Variants in DCBLD2 observed in about 807,000 individuals in gnomAD.
DCBLD2 encodes discoidin, CUB and LCCL domain containing 2.
Under a neutral mutation model 86.8 loss-of-function variants are expected in DCBLD2, and 54 were observed. The ratio of observed to expected loss-of-function variants is 0.62; its 90% CI spans 0.50 to 0.78. The LOEUF is 0.78. DCBLD2 is among the 30% of genes least tolerant of loss of function. The probability of loss-of-function intolerance (pLI) is 0.00; values close to 1 mark genes in which losing one functional copy is unlikely to be tolerated. For missense variants in DCBLD2, 908 were observed against 954.2 expected, an observed-to-expected ratio of 0.95 and a Z score of 0.64; for synonymous variants, 354 against 341.3, an observed-to-expected ratio of 1.04 and a Z score of -0.41.
At chr3:98,874,780 T>C (rs1943339124) in intron 2 of DCBLD2, among the ~76,000 whole-genome samples, 1 of 152,162 alleles carries the variant, frequency 6.6e-6, no homozygotes, top group Admixed American at 6.6e-5. Context: ...TCTCTCCTCA[T>C]CCCTCCAACC....
chr3:98,807,334 T>C (rs1159629394), intron 13 of DCBLD2, among the ~76,000 whole-genome samples: 1 of 152,124 alleles, frequency 6.6e-6, no homozygotes, highest in Admixed American at 6.6e-5. Context: ...CGTTAGAAAG[T>C]GGGGCTTTGG....
In DCBLD2 at chr3:98,901,459, G is replaced by A; in HGVS notation, c.-133C>T. ...GGCAGCCCTCGCCTCACCCCGCGCCGGGACCCTTCCGCCCCTCACCCCGCT... is the reference window on the plus strand; with the variant it reads ...GGCAGCCCTCGCCTCACCCCGCGCCAGGACCCTTCCGCCCCTCACCCCGCT... On this transcript the variant is annotated 5_prime_UTR_variant, in exon 1 of 16. Transcript: ENST00000326840. 6 of 918,088 alleles carry A rather than the reference G, an allele frequency of 6.5e-6. No homozygotes were observed. Among genetic ancestry groups the A allele is most frequent in the Non-Finnish European group, 8.5e-6 (6 of 702,888 alleles). 56.9% of individuals were successfully genotyped at this position (918,088 alleles called of 1,614,324 possible).
chr3:98,879,433 C>T (rs1023721931), intron 2 of DCBLD2, among the ~76,000 whole-genome samples: 1 of 152,148 alleles, frequency 6.6e-6, no homozygotes, highest in African/African-American at 2.4e-5. Flanking sequence ...GTCACCCAGG[C>T]TGGAGTGCAG....
Position 98,812,661 on chromosome 3 carries a change from C to T in DCBLD2, c.1213-179G>A, listed in dbSNP as rs575073928. On this transcript the variant is annotated intron_variant, in intron 9 of 15. Coordinates refer to ENST00000326840, the MANE Select transcript of DCBLD2 (RefSeq NM_080927.4). ...TTTGGAAAAATATTAAGATGCTGCA[C>T]ATTTTTATCAAAAGTTTATGAAACA... The T allele has an allele frequency of 1.7e-5, 8 of 480,984 alleles. No homozygotes were observed. In the East Asian group the frequency reaches 2.1e-4, roughly 13 times the overall value. 29.8% of individuals were successfully genotyped at this position (480,984 alleles called of 1,614,324 possible). A position where few individuals can be genotyped will look rare whatever the true frequency, so the allele number is the denominator to read the frequency against.
chr3:98,801,753 T>C lies in DCBLD2; in HGVS notation c.1671-104A>G. The C allele has an allele frequency of 7.7e-6, 6 of 776,376 alleles. No individual in the cohort carries two copies. The South Asian group carries it at 1.2e-4, about 15-fold the overall frequency. The allele number at this position is 776,376 out of a possible 1,614,324, so 48.1% of individuals were successfully genotyped here. ...TTGGTATGTGATATTCCCCTTCCTG[T>C]GTCCAAGTGTTCTCATTGTTCAATT... is the stretch of plus-strand genomic sequence containing the variant. On this transcript the variant is annotated intron_variant, in intron 13 of 15. Transcript: ENST00000326840.
chr3:98,899,613 T>C (rs1576211425), intron 1 of DCBLD2, among the ~76,000 whole-genome samples: 2 of 152,182 alleles, frequency 1.3e-5, no homozygotes, highest in Admixed American at 1.3e-4. Context: ...ACTGATTCTA[T>C]ACTGTTCCAA....
intron 4 of DCBLD2, among the ~76,000 whole-genome samples, chr3:98,823,453 T>C (rs912887065): frequency 3.9e-5 from 6 of 152,232 alleles, no homozygotes; most frequent in African/African-American, 1.4e-4. Context: ...TTCACGCTGC[T>C]ACCCATCCAC....
intron 3 of DCBLD2, among the ~76,000 whole-genome samples, chr3:98,838,389 C>T (rs1942526329): frequency 8.6e-6 from 1 of 116,020 alleles, no homozygotes; most frequent in Non-Finnish European, 1.9e-5. Context: ...CGGGCAGAGG[C>T]GCTCCTCACA....
chr3:98,861,484 C>T (rs1256510768), intron 2 of DCBLD2, among the ~76,000 whole-genome samples: 27 of 152,164 alleles, frequency 1.8e-4, no homozygotes. Flanking sequence ...AAGTAAAGTA[C>T]TCCTCAGCAA....
At chr3:98,851,470 C>T (rs1181241276) in intron 2 of DCBLD2, among the ~76,000 whole-genome samples, 2 of 152,272 alleles carry the variant, frequency 1.3e-5, no homozygotes, top group South Asian at 2.1e-4. Flanking sequence ...ATTCCATGCT[C>T]GTGGATAGGA....
chr3:98,836,052 C>CTGTGTGTATGTGTATG (rs1942440225), intron 3 of DCBLD2, among the ~76,000 whole-genome samples: 1 of 116,922 alleles, frequency 8.6e-6, no homozygotes, highest in Admixed American at 8.2e-5. Context: ...ATCAGTCCTC[C>CTGTGTGTATGTGTATG]TGTGTGTGTG....
chr3:98,870,753 GAA>G (rs764876057), intron 2 of DCBLD2, among the ~76,000 whole-genome samples: 1 of 125,734 alleles, frequency 8.0e-6, no homozygotes, highest in African/African-American at 3.4e-5. Context: ...AAGAAAGAAA[GAA>G]AGAAAGAAAG....
At chr3:98,893,702 G>C (rs1943701358) in intron 1 of DCBLD2, among the ~76,000 whole-genome samples, 1 of 152,132 alleles carries the variant, frequency 6.6e-6, no homozygotes, top group African/African-American at 2.4e-5. Flanking sequence ...GTGGCATTTT[G>C]AGCATGTTTC....
intron 3 of DCBLD2, among the ~76,000 whole-genome samples, chr3:98,839,911 C>G (rs1421900119): frequency 6.6e-6 from 1 of 152,152 alleles, no homozygotes; most frequent in Non-Finnish European, 1.5e-5. Flanking sequence ...AAGTAAAACT[C>G]TTAAAATCGG....
At chr3:98,870,678 GAAAT>G (rs1943245944) in intron 2 of DCBLD2, among the ~76,000 whole-genome samples, 4 of 129,978 alleles carry the variant, frequency 3.1e-5, no homozygotes, top group African/African-American at 1.2e-4. Context: ...GAGAGAGAGA[GAAAT>G]AGAGAAAGAA....
At chr3:98,816,731 A>G (rs1413147186) in intron 9 of DCBLD2, among the ~76,000 whole-genome samples, 2 of 152,210 alleles carry the variant, frequency 1.3e-5, no homozygotes, top group Non-Finnish European at 2.9e-5. Flanking sequence ...AAAATATATA[A>G]TCAAAATCAA....
At chr3:98,839,109 CT>C (rs1282229885) in intron 3 of DCBLD2, among the ~76,000 whole-genome samples, 1 of 109,298 alleles carries the variant, frequency 9.1e-6, no homozygotes, top group Admixed American at 1.1e-4. Flanking sequence ...TCCCTTCTTT[CT>C]TTCTTTCTTT....
chr3:98,870,805 GAAAGA>G (rs1559794671), intron 2 of DCBLD2, among the ~76,000 whole-genome samples: 2,694 of 148,494 alleles, frequency 0.018, 41 homozygotes, highest in Non-Finnish European at 0.023. Flanking sequence ...AAGAAAGAAA[GAAAGA>G]AAGGTAGGCA....
chr3:98,800,188 T>C (rs894213709), intron 15 of DCBLD2, among the ~76,000 whole-genome samples: 1 of 152,220 alleles, frequency 6.6e-6, no homozygotes, highest in African/African-American at 2.4e-5. Flanking sequence ...GGAATAAATA[T>C]TAATCTTGAA....
Sources: allele counts gnomAD v4.1 joint callset (sites outside exome capture counted in the v4.1 genomes callset), GRCh38; gene constraint gnomAD v4.1.1; transcripts MANE v1.5; gene names NCBI Gene and HGNC (gene_info 2026-07-23, HGNC 2026-07-21).